Variants in LCMT2 observed in about 807,000 individuals in gnomAD.
The protein encoded by LCMT2 is tRNA wybutosine-synthesizing protein 4.
A neutral mutation model predicts 42.0 loss-of-function variants in LCMT2; 34 were observed. The ratio of observed to expected loss-of-function variants is 0.81; its 90% CI spans 0.62 to 1.08. The LOEUF is 1.08. LCMT2 is among the 50% of genes least tolerant of loss of function. The pLI, the probability that LCMT2 is intolerant of heterozygous loss-of-function variation, is 0.00. For synonymous variants in LCMT2, 445 were observed against 369.5 expected (o/e 1.20, Z -2.34); for missense variants, 1,091 against 889.4 (o/e 1.23, Z -2.88).
chr15:43,327,219 T>C lies in LCMT2; in HGVS notation c.*1210A>G, dbSNP rs1052455905. ...AAGATATCCAGTCAGCAGTGTCCAG[T>C]AGAAATTTCTGTAACGATGAAATGT... On this transcript the variant is annotated 3_prime_UTR_variant, in exon 1 of 1. Transcript: ENST00000305641. The C allele has an allele frequency of 1.3e-5, 2 of 152,250 alleles. No individual in the cohort carries two copies. Among genetic ancestry groups the C allele is most frequent in the Non-Finnish European group, 2.9e-5 (2 of 68,042 alleles). 9.4% of individuals were successfully genotyped at this position (152,250 alleles called of 1,614,324 possible).
chr15:43,329,791 T>C lies in LCMT2; in HGVS notation c.699A>G (p.Gln233=), dbSNP rs1259486202. 6.2e-7 allele frequency: 1 copy of C among 1,613,924 alleles called. No individual in the cohort carries two copies. Among genetic ancestry groups the C allele is most frequent in the Non-Finnish European group, 8.5e-7 (1 of 1,180,044 alleles). Reference sequence around the variant, plus strand: ...GGGGGGAGTTTAGCTGCCGAAAATGTTGCAGCATGAACTGGCCAAAGGCGT... The same window carrying C: ...GGGGGGAGTTTAGCTGCCGAAAATGCTGCAGCATGAACTGGCCAAAGGCGT... ...PQDAFGQFML[Q]HFRQLNSPLH... Residue 233 remains glutamine (Q), a synonymous_variant, in exon 1 of 1, where the codon CAA becomes CAG. Coordinates refer to ENST00000305641, the MANE Select transcript of LCMT2 (RefSeq NM_014793.5).
chr15:43,330,013 A>G lies in LCMT2; in HGVS notation c.477T>C (p.Gly159=), dbSNP rs1486275568. Residue 159 remains glycine, a synonymous_variant, in exon 1 of 1, where the codon GGT becomes GGC. Transcript: ENST00000305641. ...CFESADYCIL[G]LDLRQLQRVE... is the part of the protein sequence containing the mutation. ...CTCGCTGGAGCTGCCGCAAGTCCAG[A>G]CCCAGGATGCAGTAGTCTGCGCTCT... 7 of 1,612,664 alleles carry G rather than the reference A, an allele frequency of 4.3e-6. No individual in the cohort carries two copies. Among genetic ancestry groups the G allele is most frequent in the Non-Finnish European group, 5.9e-6 (7 of 1,179,906 alleles).
chr15:43,329,973 C>T lies in LCMT2; in HGVS notation c.517G>A (p.Gly173Ser), dbSNP rs371414599. ...GAGGCTGCGTCGAGCCCCGCGGCGCCCAGGGCCTCCTCCACTCGCTGGAGC... is the reference window on the plus strand; with the variant it reads ...GAGGCTGCGTCGAGCCCCGCGGCGCTCAGGGCCTCCTCCACTCGCTGGAGC... ...RQLQRVEEAL[G>S]AAGLDAASPT... The change falls in exon 1 of 1, where the codon GGC becomes AGC. Residue 173 changes from glycine to serine, a missense_variant. Physicochemically the swap from Gly to Ser is moderately conservative, Grantham distance 56. Transcript: ENST00000305641. 91 of 1,612,464 alleles carry T rather than the reference C, an allele frequency of 5.6e-5. No homozygotes were observed. The African/African-American group carries it at 1.1e-3, about 19-fold the overall frequency.
Position 43,329,240 on chromosome 15 carries a change from C to A in LCMT2, c.1250G>T (p.Arg417Leu), listed in dbSNP as rs771392913. 9 of 1,613,984 alleles carry A rather than the reference C, an allele frequency of 5.6e-6. No individual in the cohort carries two copies. Among genetic ancestry groups the A allele is most frequent in the African/African-American group, 1.3e-5 (1 of 75,048 alleles). ...GAGTCTTGTCATGGTGTGATAAAGG[C>A]GTCCATCCCACTGAACTCCAGTCCC... ...SCGTGVQWDGRLYHTMTRLSE... is the reference protein window; with the variant it reads ...SCGTGVQWDGLLYHTMTRLSE... The change falls in exon 1 of 1, where the codon CGC becomes CTC. Residue 417 changes from arginine to leucine, a missense_variant. Arg to Leu is a moderately radical substitution (Grantham distance 102, BLOSUM62 -2). Transcript: ENST00000305641.
Position 43,328,268 on chromosome 15 carries a change from T to C in LCMT2, c.*161A>G. The C allele has an allele frequency of 1.4e-6, 1 of 710,050 alleles. No individual in the cohort carries two copies. Among genetic ancestry groups the C allele is most frequent in the Non-Finnish European group, 2.3e-6 (1 of 435,258 alleles). The allele number at this position is 710,050 out of a possible 1,614,324, so 44.0% of individuals were successfully genotyped here. On this transcript the variant is annotated 3_prime_UTR_variant, in exon 1 of 1. Transcript: ENST00000305641. ...TCTGTAGTGATTGTTTCTAGGTATT[T>C]TACCTATTTTACCAACCTTTTTCAC...
In LCMT2 at chr15:43,325,430, A is replaced by G. The variant is rs2043112796; in HGVS notation, c.*2999T>C. On this transcript the variant is annotated 3_prime_UTR_variant, in exon 1 of 1. Transcript: ENST00000305641. ...CTATATTGAATGCTGCTCCAAAGGC[A>G]CAGGGTAAATATTGCTGACAATACT... The G allele has an allele frequency of 1.3e-5, 2 of 152,236 alleles. No individual in the cohort carries two copies. The highest frequency in any genetic ancestry group is 6.5e-5 in the Admixed American group (1 of 15,286). 9.4% of individuals were successfully genotyped at this position (152,236 alleles called of 1,614,324 possible).
Position 43,330,464 on chromosome 15 carries a change from C to G in LCMT2, c.26G>C (p.Arg9Pro), listed in dbSNP as rs1357216958. Reference sequence around the variant, plus strand: ...GTTGGTGTTCTGTACCGCGCCTGCCCGACGCTCACGGCTCCGGGGGCCCAT... The same window carrying G: ...GTTGGTGTTCTGTACCGCGCCTGCCGGACGCTCACGGCTCCGGGGGCCCAT... The part of the protein sequence containing the change: MGPRSRER[R>P]AGAVQNTNDS... Residue 9 changes from arginine to proline, a missense_variant, in exon 1 of 1, where the codon CGG becomes CCG. By Grantham distance (103) the Arg-to-Pro change is moderately radical. Transcript: ENST00000305641. 1 of 1,524,546 alleles carries G rather than the reference C, an allele frequency of 6.6e-7. No individual in the cohort carries two copies. Among genetic ancestry groups the G allele is most frequent in the Admixed American group, 2.3e-5 (1 of 43,568 alleles). 94.4% of individuals were successfully genotyped at this position (1,524,546 alleles called of 1,614,324 possible). A position where few individuals can be genotyped will look rare whatever the true frequency, so the allele number is the denominator to read the frequency against.
rs2043122033 is a variant in LCMT2, at chr15:43,326,976, C to T, written c.*1453G>A. On this transcript the variant is annotated 3_prime_UTR_variant, in exon 1 of 1. Coordinates refer to ENST00000305641, the MANE Select transcript of LCMT2 (RefSeq NM_014793.5). Reference sequence around the variant, plus strand: ...ACTAAGAAGAAATACTAAAGTAATACACTTATTACCACCAAAGCCACTACA... The same window carrying T: ...ACTAAGAAGAAATACTAAAGTAATATACTTATTACCACCAAAGCCACTACA... 6.6e-6 allele frequency: 1 copy of T among 152,164 alleles called. No homozygotes were observed. 9.4% of individuals were successfully genotyped at this position (152,164 alleles called of 1,614,324 possible).
Position 43,325,232 on chromosome 15 carries a change from G to T in LCMT2, c.*3197C>A, listed in dbSNP as rs2043111640. ...AGAAGTAATCCCTAAAAGAGGAAGAGACCTGTTCATTAACTCTCATAACTA... is the reference window on the plus strand; with the variant it reads ...AGAAGTAATCCCTAAAAGAGGAAGATACCTGTTCATTAACTCTCATAACTA... On this transcript the variant is annotated 3_prime_UTR_variant, in exon 1 of 1. Coordinates refer to ENST00000305641, the MANE Select transcript of LCMT2 (RefSeq NM_014793.5). 1.3e-5 allele frequency: 2 copies of T among 152,188 alleles called. No homozygotes were observed. The highest frequency in any genetic ancestry group is 2.9e-5 in the Non-Finnish European group (2 of 68,040). 9.4% of individuals were successfully genotyped at this position (152,188 alleles called of 1,614,324 possible).
chr15:43,329,387 T>A lies in LCMT2; in HGVS notation c.1103A>T (p.Asp368Val). The A allele has an allele frequency of 6.2e-7, 1 of 1,614,110 alleles. No individual in the cohort carries two copies. The highest frequency in any genetic ancestry group is 2.2e-5 in the East Asian group (1 of 44,874). Reference sequence around the variant, plus strand: ...AAATCCTCCTGCACTGAGAATAACGTCTGGGCTCAAGAAGACAGAGGCGTG... The same window carrying A: ...AAATCCTCCTGCACTGAGAATAACGACTGGGCTCAAGAAGACAGAGGCGTG... Reference protein sequence around the residue: ...YGHASVFLSPDVILSAGGFGE... With the variant: ...YGHASVFLSPVVILSAGGFGE... The change falls in exon 1 of 1, where the codon GAC (aspartate) becomes GTC (valine). Residue 368 changes from aspartate to valine, a missense_variant. Transcript: ENST00000305641.
In LCMT2 at chr15:43,328,854, CT is replaced by C. The variant is rs1362466646; in HGVS notation, c.1635del (p.Ala546ProfsTer14). ...HSHSACTWQG[G>X]ALIAGGLGAS... ...GCCCCGAGACCTCCAGCAATAAGGG[CT>C]CCCCCTTGCCAAGTGCAGGCACTGT... On this transcript the variant is annotated frameshift_variant, in exon 1 of 1. Transcript: ENST00000305641. LOFTEE classifies it high-confidence loss of function. The C allele has an allele frequency of 1.2e-6, 2 of 1,613,642 alleles. No individual in the cohort carries two copies. The highest frequency in any genetic ancestry group is 1.7e-6 in the Non-Finnish European group (2 of 1,179,996).
chr15:43,325,398 C>T lies in LCMT2; in HGVS notation c.*3031G>A, dbSNP rs971594888. 2 of 152,182 alleles carry T rather than the reference C, an allele frequency of 1.3e-5. No homozygotes were observed. The highest frequency in any genetic ancestry group is 4.1e-4 in the South Asian group (2 of 4,832). 9.4% of individuals were successfully genotyped at this position (152,182 alleles called of 1,614,324 possible). A position where few individuals can be genotyped will look rare whatever the true frequency, so the allele number is the denominator to read the frequency against. ...TACTGTTAATGAAACTGTGGTTCAA[C>T]GCTAGTCTATATTGAATGCTGCTCC... is the stretch of plus-strand genomic sequence containing the variant. On this transcript the variant is annotated 3_prime_UTR_variant, in exon 1 of 1. Coordinates refer to ENST00000305641, the MANE Select transcript of LCMT2 (RefSeq NM_014793.5).
At position 43,329,059 on chromosome 15, in the gene LCMT2, C is replaced by T. The variant is rs1313364231; in HGVS notation, c.1431G>A (p.Leu477=). The T allele has an allele frequency of 3.7e-6, 6 of 1,614,160 alleles. No individual in the cohort carries two copies. The highest frequency in any genetic ancestry group is 5.1e-6 in the Non-Finnish European group (6 of 1,180,030). Residue 477 remains leucine (L), a synonymous_variant, in exon 1 of 1, where the codon TTG becomes TTA. Coordinates refer to ENST00000305641, the MANE Select transcript of LCMT2 (RefSeq NM_014793.5). ...CTGTTGTTGAATGCCGCCAACAACA[C>T]AAAGTGGAATCATCCTTTCGGCCAG... ...TKAGRKDDST[L]CCWRHSTTEV...
chr15:43,328,903 T>C lies in LCMT2; in HGVS notation c.1587A>G (p.Glu529=). The C allele has an allele frequency of 1.9e-6, 3 of 1,614,034 alleles. No individual in the cohort carries two copies. The highest frequency in any genetic ancestry group is 2.5e-6 in the Non-Finnish European group (3 of 1,180,014). The part of the protein sequence containing the change: ...MAWVRIPVEG[E]VPEARHSHSA... ...TGTGAGAATGCCGGGCTTCAGGTAC[T>C]TCTCCCTCCACTGGGATCCTGACCC... Residue 529 remains glutamate (E), a synonymous_variant, in exon 1 of 1, where the codon GAA becomes GAG. Coordinates refer to ENST00000305641, the MANE Select transcript of LCMT2 (RefSeq NM_014793.5).
Position 43,330,227 on chromosome 15 carries a change from A to T in LCMT2, c.263T>A (p.Leu88His), listed in dbSNP as rs759374108. 5 of 1,610,662 alleles carry T rather than the reference A, an allele frequency of 3.1e-6. No homozygotes were observed. Among genetic ancestry groups the T allele is most frequent in the Non-Finnish European group, 4.2e-6 (5 of 1,179,708 alleles). ...QAALRAQILSLGAGFDSLYFR... is the reference protein window; with the variant it reads ...QAALRAQILSHGAGFDSLYFR... ...ATAGAGCGAGTCGAAGCCAGCGCCGAGAGACAAGATCTGCGCGCGAAGCGC... is the reference window on the plus strand; with the variant it reads ...ATAGAGCGAGTCGAAGCCAGCGCCGTGAGACAAGATCTGCGCGCGAAGCGC... The change falls in exon 1 of 1, where the codon CTC (leucine) becomes CAC (histidine). Residue 88 changes from leucine (L) to histidine (H), a missense_variant. By Grantham distance (99) the Leu-to-His change is moderately conservative (BLOSUM62 -3). Coordinates refer to ENST00000305641, the MANE Select transcript of LCMT2 (RefSeq NM_014793.5).
rs1180186646 is a variant in LCMT2 at position 43,329,242 on chromosome 15, T to G, written c.1248A>C (p.Gly416=). The G allele has an allele frequency of 6.2e-7, 1 of 1,613,978 alleles. No individual in the cohort carries two copies. The change falls in exon 1 of 1, where the codon GGA becomes GGC. Residue 416 remains glycine (G), a synonymous_variant. Transcript: ENST00000305641. ...GTCTTGTCATGGTGTGATAAAGGCG[T>G]CCATCCCACTGAACTCCAGTCCCAC... ...GSCGTGVQWD[G]RLYHTMTRLS...
rs45530831 is a variant in LCMT2, at chr15:43,328,938, T to C, written c.1552A>G (p.Thr518Ala). The stretch of plus-strand genomic sequence containing the variant: ...ACTGGGATCCTGACCCAAGCCATTG[T>C]CCCTACATGGAGGAAATGCCAGTCA... Reference protein sequence around the residue: ...LSDWHFLHVGTMAWVRIPVEG... With the variant: ...LSDWHFLHVGAMAWVRIPVEG... Residue 518 changes from threonine (T) to alanine (A), a missense_variant, in exon 1 of 1, where the codon ACA (threonine) becomes GCA (alanine). Transcript: ENST00000305641. 4.8e-3 allele frequency: 7,809 copies of C among 1,614,164 alleles called. 20 individuals carry two copies. Among genetic ancestry groups the C allele is most frequent in the Non-Finnish European group, 5.6e-3 (6,633 of 1,180,026 alleles).
In LCMT2 at chr15:43,330,413, G is replaced by A. The variant is rs764322274; in HGVS notation, c.77C>T (p.Ser26Phe). 1.9e-6 allele frequency: 3 copies of A among 1,570,550 alleles called. No homozygotes were observed. The highest frequency in any genetic ancestry group is 1.2e-5 in the South Asian group (1 of 84,356). ...TNDSSALSKR[S>F]LAARGYVQDP... ...CTGCACGTACCCGCGCGCGGCCAGG[G>A]AACGCTTGCTGAGGGCGCTGCTGTC... The change falls in exon 1 of 1, where the codon TCC becomes TTC. Residue 26 changes from serine to phenylalanine, a missense_variant. Transcript: ENST00000305641.
chr15:43,328,791 G>C lies in LCMT2; in HGVS notation c.1699C>G (p.Pro567Ala). ...TCCCAGAGGAATCCACAAGAGATTG[G>C]TCTCAGAAAGAGCACAGAGTTCAAT... is the stretch of plus-strand genomic sequence containing the variant. ...EPLNSVLFLR[P>A]ISCGFLWESV... The change falls in exon 1 of 1, where the codon CCA (proline) becomes GCA (alanine). Residue 567 changes from proline (P) to alanine (A), a missense_variant. Pro to Ala is a conservative substitution (Grantham distance 27, BLOSUM62 -1). Transcript: ENST00000305641. The C allele has an allele frequency of 6.2e-7, 1 of 1,613,484 alleles. No individual in the cohort carries two copies. The highest frequency in any genetic ancestry group is 1.1e-5 in the South Asian group (1 of 91,086).
Sources: allele counts gnomAD v4.1 joint callset, GRCh38; gene constraint gnomAD v4.1.1; transcripts MANE v1.5; gene names NCBI Gene and HGNC (gene_info 2026-07-23, HGNC 2026-07-21).